Variants in RNF130 observed in about 807,000 individuals in gnomAD.
RNF130 encodes the protein E3 ubiquitin-protein ligase RNF130.
RNF130 carries 21 observed loss-of-function variants against 44.6 expected under a neutral mutation model. The observed-to-expected ratio is 0.47, with a 90% CI of 0.33 to 0.68. RNF130 has a LOEUF of 0.68. RNF130 is among the 30% of genes least tolerant of loss of function. The pLI, the probability that RNF130 is intolerant of heterozygous loss-of-function variation, is 0.02. For missense variants in RNF130, 479 were observed against 560.6 expected, an observed-to-expected ratio of 0.85 and a Z score of 1.47; for synonymous variants, 214 against 210.4, an observed-to-expected ratio of 1.02 and a Z score of -0.15.
intron 2 of RNF130, among the ~76,000 whole-genome samples, chr5:180,026,437 C>T (rs773438058): frequency 3.3e-5 from 5 of 152,202 alleles, no homozygotes; most frequent in Non-Finnish European, 7.3e-5. Context: ...CCCATAACGT[C>T]CCCTTCATAC....
chr5:179,983,646 T>C (rs1173385732), intron 3 of RNF130, among the ~76,000 whole-genome samples: 2 of 152,210 alleles, frequency 1.3e-5, no homozygotes, highest in African/African-American at 4.8e-5. Flanking sequence ...ATATGAACTT[T>C]AGGATCAGTT....
At chr5:180,055,151 T>C (rs1055899884) in intron 1 of RNF130, among the ~76,000 whole-genome samples, 3 of 148,720 alleles carry the variant, frequency 2.0e-5, no homozygotes, top group Non-Finnish European at 4.4e-5. Context: ...GAGGCCAACA[T>C]GGTGAAAACC....
At chr5:179,961,322 G>A (rs952725655) in intron 8 of RNF130, among the ~76,000 whole-genome samples, 3 of 152,158 alleles carry the variant, frequency 2.0e-5, no homozygotes, top group Non-Finnish European at 4.4e-5. Context: ...TGAAGGCACA[G>A]AAATAATAAC....
intron 3 of RNF130, among the ~76,000 whole-genome samples, chr5:179,987,305 C>T (rs1031188668): frequency 3.0e-4 from 46 of 152,140 alleles, no homozygotes; most frequent in African/African-American, 1.1e-3. Context: ...ATACCTGGGA[C>T]TATAGGCACA....
chr5:180,052,512 G>T (rs533382709), intron 1 of RNF130, among the ~76,000 whole-genome samples: 2 of 152,232 alleles, frequency 1.3e-5, no homozygotes, highest in Non-Finnish European at 2.9e-5. Flanking sequence ...GGGCAGAAAA[G>T]AATGTGGGAG....
At chr5:179,947,154 T>A (rs1762054202) in intron 7 of RNF130, among the ~76,000 whole-genome samples, 1 of 152,188 alleles carries the variant, frequency 6.6e-6, no homozygotes, top group Admixed American at 6.5e-5. Flanking sequence ...CATTCTTGCC[T>A]CCTGGTTTGG....
chr5:180,022,550 T>A (rs1488571644), intron 2 of RNF130, among the ~76,000 whole-genome samples: 2 of 152,202 alleles, frequency 1.3e-5, no homozygotes, highest in East Asian at 3.8e-4. Context: ...TCCTTACATC[T>A]GATTATGGCC....
intron 7 of RNF130, among the ~76,000 whole-genome samples, chr5:179,924,676 C>T (rs1761681796): frequency 6.6e-6 from 1 of 152,024 alleles, no homozygotes; most frequent in African/African-American, 2.4e-5. Flanking sequence ...GTAATCCCAG[C>T]TACACAGGAG....
intron 3 of RNF130, among the ~76,000 whole-genome samples, chr5:179,992,266 C>T (rs1297620135): frequency 1.3e-5 from 2 of 152,132 alleles, no homozygotes; most frequent in African/African-American, 4.8e-5. Context: ...CTCAGCCTCC[C>T]GAGTAGCTGG....
chr5:179,956,484 C>G (rs745748192), intron 8 of RNF130: 1 of 152,456 alleles, frequency 6.6e-6, no homozygotes, highest in Non-Finnish European at 1.5e-5. Flanking sequence ...AGCAACTTCG[C>G]AGCCACTAGG....
chr5:179,973,503 G>A (rs1026693489), intron 5 of RNF130, among the ~76,000 whole-genome samples: 7 of 152,222 alleles, frequency 4.6e-5, no homozygotes, highest in Admixed American at 1.3e-4. Context: ...TGGGCCAGGG[G>A]CGTTTAATCT....
At chr5:179,954,463 C>A (rs1762171856), downstream of RNF130, among the ~76,000 whole-genome samples, 1 of 152,174 alleles carries the variant, frequency 6.6e-6, no homozygotes, top group Admixed American at 6.5e-5. Flanking sequence ...TCAAAGACGC[C>A]AGACACAAAA....
At chr5:180,063,536 A>G (rs1254585917) in intron 1 of RNF130, among the ~76,000 whole-genome samples, 1 of 152,216 alleles carries the variant, frequency 6.6e-6, no homozygotes, top group African/African-American at 2.4e-5. Context: ...CACTGAAGTA[A>G]AGATACCAAT....
chr5:179,956,651 C>T (rs1265798274), intron 8 of RNF130: 1 of 152,644 alleles, frequency 6.6e-6, no homozygotes, highest in East Asian at 1.9e-4. Context: ...CACTGTGTGC[C>T]CTAATTATGC....
Position 180,056,925 on chromosome 5 carries a change from C to T in RNF130, c.247+14531G>A, listed in dbSNP as rs141365019. Reference sequence around the variant, plus strand: ...AGAAACTAGTCACAAGAAGGCATACCGTGATTCCATGTATATTGTGATATA... The same window carrying T: ...AGAAACTAGTCACAAGAAGGCATACTGTGATTCCATGTATATTGTGATATA... On this transcript the variant is annotated intron_variant, in intron 1 of 8. Coordinates refer to ENST00000521389, the MANE Select transcript of RNF130 (RefSeq NM_018434.6). Among the ~76,000 whole-genome samples the T allele has an allele frequency of 4.6e-5, 7 of 152,266 alleles. No individual in the cohort carries two copies. In the South Asian group the frequency reaches 6.2e-4, roughly 14 times the overall value.
chr5:179,973,923 A>G (rs1258065673), intron 5 of RNF130, among the ~76,000 whole-genome samples: 2 of 152,170 alleles, frequency 1.3e-5, no homozygotes, highest in African/African-American at 4.8e-5. Context: ...CAGAACGAGA[A>G]ACAAATAGAA....
chr5:179,915,679 G>A (rs26076), exon 8 of RNF130: 23,333 of 152,236 alleles, frequency 0.15, 1,997 homozygotes, highest in Middle Eastern at 0.27. Context: ...GCCGTGCCTA[G>A]CCTCCCTGAC....
rs1371035336 is a variant in RNF130, at chr5:179,966,984, T to C, written c.972A>G (p.Val324=). ...IVPNLPCTDN[V]AFDMERLTRT... ...TGGTGAGCCTTTCCATATCGAATGCTACGTTATCAGTACATGGCAAATTCG... is the reference window on the plus strand; with the variant it reads ...TGGTGAGCCTTTCCATATCGAATGCCACGTTATCAGTACATGGCAAATTCG... The change falls in exon 7 of 9, where the codon GTA becomes GTG. Residue 324 remains valine, a synonymous_variant. Coordinates refer to ENST00000521389, the MANE Select transcript of RNF130 (RefSeq NM_018434.6). 6.2e-7 allele frequency: 1 copy of C among 1,614,196 alleles called. No homozygotes were observed. Among genetic ancestry groups the C allele is most frequent in the Non-Finnish European group, 8.5e-7 (1 of 1,180,022 alleles).
At chr5:180,040,084 C>T (rs920280496) in intron 2 of RNF130, among the ~76,000 whole-genome samples, 21 of 152,154 alleles carry the variant, frequency 1.4e-4, no homozygotes, top group Non-Finnish European at 5.9e-5. Context: ...AACATTTATC[C>T]TGATGAAAAC....
Sources: gnomAD v4.1 joint callset for allele counts (sites outside exome capture counted in the v4.1 genomes callset) on GRCh38, gnomAD v4.1.1 for gene constraint, MANE v1.5 for transcripts, NCBI Gene and HGNC (gene_info 2026-07-23, HGNC 2026-07-21) for gene names.